The following MARCO variants were observed in gnomAD, a reference collection of about 807,000 sequenced individuals.
The protein encoded by MARCO is macrophage receptor MARCO.
MARCO carries 72 observed loss-of-function variants against 70.0 expected under a neutral mutation model. The ratio of observed to expected loss-of-function variants is 1.03; its 90% CI spans 0.85 to 1.25. The LOEUF is 1.25. Ranked by LOEUF, MARCO falls within the 50% of genes most tolerant of loss-of-function variation. MARCO has a pLI of 0.00. For missense variants in MARCO, 696 were observed against 659.3 expected (o/e 1.06, Z -0.61); for synonymous variants, 273 against 243.1 (o/e 1.12, Z -1.14).
At chr2:118,967,666 A>G (rs927295996) in intron 1 of MARCO, among the ~76,000 whole-genome samples, 1 of 152,024 alleles carries the variant, frequency 6.6e-6, no homozygotes, top group Non-Finnish European at 1.5e-5. Flanking sequence ...CCCCTAGACC[A>G]TTGTTCATCT....
At chr2:118,993,808 G>A (rs1342302584) in intron 16 of MARCO, among the ~76,000 whole-genome samples, 1 of 152,230 alleles carries the variant, frequency 6.6e-6, no homozygotes, top group Non-Finnish European at 1.5e-5. Flanking sequence ...TGTGGAAAAT[G>A]TCTTCGGATG....
At chr2:118,955,332 T>C (rs1344569339) in intron 1 of MARCO, among the ~76,000 whole-genome samples, 1 of 152,102 alleles carries the variant, frequency 6.6e-6, no homozygotes, top group Non-Finnish European at 1.5e-5. Flanking sequence ...GTGATAGAAT[T>C]GGATAAGTAG....
chr2:118,993,083 G>C, intron 15 of MARCO, 41 bp from the exon 16 acceptor site: 5 of 1,594,766 alleles, frequency 3.1e-6, no homozygotes, highest in Non-Finnish European at 4.3e-6. Context: ...AAAGCCCCAA[G>C]GGGCCTTCCT....
At position 118,986,728 on chromosome 2, in the gene MARCO, AAGAAAGAAAG is replaced by A. The variant is rs1437385977; in HGVS notation, c.1064-3839_1064-3830del. 1.4e-3 allele frequency among the ~76,000 whole-genome samples: 138 copies of A among 100,254 alleles called. 21 individuals carry two copies. Among genetic ancestry groups the A allele is most frequent in the Middle Eastern group, 0.01 (2 of 196 alleles). 65.8% of individuals were successfully genotyped at this position (100,254 alleles called of 152,430 possible). A position where few individuals can be genotyped will look rare whatever the true frequency, so the allele number is the denominator to read the frequency against. ...AAGAAAGAAAGAAAGAAAGAAAAGA[AAGAAAGAAAG>A]AGAAAGAAAGAGAAAGAAAGAAGAA... On this transcript the variant is annotated intron_variant, in intron 12 of 16. Coordinates refer to ENST00000327097, the MANE Select transcript of MARCO (RefSeq NM_006770.4).
At chr2:118,992,582 A>G (rs537276259) in intron 15 of MARCO, 106 bp downstream of exon 15, 1 of 1,013,240 alleles carries the variant, frequency 9.9e-7, no homozygotes. Flanking sequence ...TAAATTTCTC[A>G]TTTTGGGGAG....
At chr2:118,986,657 G>GAAA (rs1680502593) in intron 12 of MARCO, among the ~76,000 whole-genome samples, 1 of 41,182 alleles carries the variant, frequency 2.4e-5, no homozygotes, top group Non-Finnish European at 4.1e-5. Context: ...AAGAAAGAAG[G>GAAA]AAGGAAGGAA....
At chr2:118,962,145 G>A (rs1489650570) in intron 1 of MARCO, among the ~76,000 whole-genome samples, 1 of 152,124 alleles carries the variant, frequency 6.6e-6, no homozygotes, top group South Asian at 2.1e-4. Context: ...TTTGAAGTCT[G>A]GTAGTGTGAT....
chr2:118,944,113 C>G (rs1679552659), intron 1 of MARCO, among the ~76,000 whole-genome samples: 1 of 152,070 alleles, frequency 6.6e-6, no homozygotes, highest in Admixed American at 6.6e-5. Context: ...AGATTTCTGA[C>G]CTGGGTTGTG....
intron 4 of MARCO, among the ~76,000 whole-genome samples, chr2:118,973,923 A>G (rs1358875754): frequency 6.6e-6 from 1 of 152,238 alleles, no homozygotes; most frequent in African/African-American, 2.4e-5. Flanking sequence ...TGAAGAAGAC[A>G]GACAAGGCCC....
intron 1 of MARCO, among the ~76,000 whole-genome samples, chr2:118,960,141 A>G (rs983721724): frequency 6.6e-6 from 1 of 151,712 alleles, no homozygotes; most frequent in East Asian, 1.9e-4. Flanking sequence ...AATAATAAAT[A>G]AAAATAAAAC....
At chr2:118,991,161 C>T (rs1343827678) in intron 13 of MARCO, among the ~76,000 whole-genome samples, 1 of 152,176 alleles carries the variant, frequency 6.6e-6, no homozygotes, top group Non-Finnish European at 1.5e-5. Context: ...CTCAAGAGCC[C>T]TGCCCCTGTG....
chr2:118,964,107 A>G (rs561632340), intron 1 of MARCO, among the ~76,000 whole-genome samples: 1 of 152,294 alleles, frequency 6.6e-6, no homozygotes, highest in East Asian at 1.9e-4. Flanking sequence ...ACATATCAAC[A>G]TTTTACCATT....
At chr2:118,943,180 G>A (rs963058929) in intron 1 of MARCO, among the ~76,000 whole-genome samples, 1 of 152,102 alleles carries the variant, frequency 6.6e-6, no homozygotes, top group Non-Finnish European at 1.5e-5. Flanking sequence ...TTTATCTCCT[G>A]GCCAGAGTGT....
intron 6 of MARCO, 122 bp downstream of exon 6, chr2:118,974,687 A>G: frequency 7.3e-6 from 7 of 964,618 alleles, no homozygotes; most frequent in Admixed American, 2.7e-5. Flanking sequence ...AGGTGAACGG[A>G]GGCCTGGTGG....
Position 118,970,097 on chromosome 2 carries a change from T to A in MARCO, c.200-17T>A, listed in dbSNP as rs1680132790. 6.2e-7 allele frequency: 1 copy of A among 1,607,862 alleles called. No individual in the cohort carries two copies. Among genetic ancestry groups the A allele is most frequent in the Non-Finnish European group, 8.5e-7 (1 of 1,174,730 alleles). On this transcript the variant is annotated splice_polypyrimidine_tract_variant and intron_variant, in intron 2 of 16. Transcript: ENST00000327097. ...AATGCCTCAGTCCCTAAAAGAATGC[T>A]GTGGGGTGGGGCCCAGTTCTGAATC...
Position 118,963,876 on chromosome 2 carries a change from T to C in MARCO, c.98-5284T>C, listed in dbSNP as rs76631179. 4.3e-3 allele frequency among the ~76,000 whole-genome samples: 650 copies of C among 152,318 alleles called. 44 individuals carry two copies. In the East Asian group the frequency reaches 0.11, roughly 26 times the overall value. ...AAGTAATTATTGATATGTCAGTGCT[T>C]AAATTGGCCATCTTATTGTGTGTTT... On this transcript the variant is annotated intron_variant, in intron 1 of 16. Coordinates refer to ENST00000327097, the MANE Select transcript of MARCO (RefSeq NM_006770.4).
intron 1 of MARCO, among the ~76,000 whole-genome samples, chr2:118,964,427 A>G (rs1680005455): frequency 6.6e-6 from 1 of 152,028 alleles, no homozygotes; most frequent in Non-Finnish European, 1.5e-5. Flanking sequence ...GATTCTCTTC[A>G]TTTCTCTTCC....
At chr2:118,957,825 G>A (rs1415997851) in intron 1 of MARCO, among the ~76,000 whole-genome samples, 1 of 152,058 alleles carries the variant, frequency 6.6e-6, no homozygotes, top group Admixed American at 6.5e-5. Flanking sequence ...TTTCATAGCA[G>A]GGGTGCAGGG....
chr2:118,988,863 C>T (rs1206335843), intron 12 of MARCO, among the ~76,000 whole-genome samples: 1 of 152,090 alleles, frequency 6.6e-6, no homozygotes, highest in Non-Finnish European at 1.5e-5. Context: ...CTGGAGGGGA[C>T]ACAGGACACT....
Sources: gnomAD v4.1 joint callset for allele counts (sites outside exome capture counted in the v4.1 genomes callset) on GRCh38, gnomAD v4.1.1 for gene constraint, MANE v1.5 for transcripts, NCBI Gene and HGNC (gene_info 2026-07-23, HGNC 2026-07-21) for gene names.